Variants in NTM observed in about 807,000 individuals in gnomAD.
The protein encoded by NTM is IgLON family member 2.
Under a neutral mutation model 42.1 loss-of-function variants are expected in NTM, and 13 were observed. The observed-to-expected ratio is 0.31, with a 90% confidence interval of 0.20 to 0.49. NTM has a LOEUF of 0.49. Among genes scored for constraint, NTM ranks in the 20% least tolerant of loss-of-function variants. The pLI is 0.99. For synonymous variants in NTM, 187 were observed against 179.2 expected (o/e 1.04, Z -0.35); for missense variants, 373 against 452.8 (o/e 0.82, Z 1.60).
intron 1 of NTM, among the ~76,000 whole-genome samples, chr11:131,382,375 A>C (rs1230712133): frequency 6.6e-6 from 1 of 152,202 alleles, no homozygotes; most frequent in Non-Finnish European, 1.5e-5. Context: ...GGGTAAATAA[A>C]AAAATAATTG....
At chr11:132,315,849 G>A (rs1591964124) in intron 7 of NTM, among the ~76,000 whole-genome samples, 1 of 152,162 alleles carries the variant, frequency 6.6e-6, no homozygotes, top group Admixed American at 6.5e-5. Context: ...CCAGTGGCTT[G>A]GAATGGGCAG....
At chr11:131,880,749 C>T (rs1433517265) in intron 1 of NTM, among the ~76,000 whole-genome samples, 1 of 152,142 alleles carries the variant, frequency 6.6e-6, no homozygotes, top group African/African-American at 2.4e-5. Flanking sequence ...GAAACAAATT[C>T]CTCTGGTTCA....
rs116685803 is a variant in NTM at position 131,767,436 on chromosome 11, T to C, written c.83-144128T>C. Among the ~76,000 whole-genome samples, 563 of 152,204 alleles carry C rather than the reference T, an allele frequency of 3.7e-3. 5 individuals carry two copies. Among genetic ancestry groups the C allele is most frequent in the African/African-American group, 0.012 (518 of 41,528 alleles). On this transcript the variant is annotated intron_variant, in intron 1 of 8. Transcript: ENST00000683400. ...AATCTACATGCTGTGGACTACATAT[T>C]TGTGTCTCCCCCAAATTTATATTGA...
intron 2 of NTM, among the ~76,000 whole-genome samples, chr11:132,070,280 C>T (rs1394423296): frequency 2.8e-5 from 4 of 142,822 alleles, no homozygotes; most frequent in Non-Finnish European, 4.6e-5. Flanking sequence ...GGTTAGTTAA[C>T]GTGTCACACA....
chr11:131,532,812 C>G (rs2051494322), intron 1 of NTM, among the ~76,000 whole-genome samples: 1 of 152,152 alleles, frequency 6.6e-6, no homozygotes, highest in Non-Finnish European at 1.5e-5. Context: ...TTGCATTTCT[C>G]TAATGATCAG....
intron 2 of NTM, among the ~76,000 whole-genome samples, chr11:132,105,971 C>T (rs1409189334): frequency 6.6e-6 from 1 of 152,178 alleles, no homozygotes; most frequent in Non-Finnish European, 1.5e-5. Context: ...AATCCCAGGC[C>T]CAGCTCAGCA....
In NTM at chr11:131,371,014, C is replaced by G. The variant is rs1029869602; in HGVS notation, c.82+126C>G. Reference sequence around the variant, plus strand: ...GCAGGTGGAGGAGAGAGCGTTTAGACAGCATGGCTGGGACTTCATTCTCCC... The same window carrying G: ...GCAGGTGGAGGAGAGAGCGTTTAGAGAGCATGGCTGGGACTTCATTCTCCC... On this transcript the variant is annotated intron_variant, in intron 1 of 8. Coordinates refer to ENST00000683400, the MANE Select transcript of NTM (RefSeq NM_001352005.2). 5.3e-6 allele frequency: 8 copies of G among 1,502,640 alleles called. No individual in the cohort carries two copies. The African/African-American group carries it at 8.4e-5, about 16-fold the overall frequency. 93.1% of individuals were successfully genotyped at this position (1,502,640 alleles called of 1,614,324 possible).
At chr11:131,489,560 T>C (rs1954545976) in intron 1 of NTM, among the ~76,000 whole-genome samples, 1 of 152,200 alleles carries the variant, frequency 6.6e-6, no homozygotes, top group Non-Finnish European at 1.5e-5. Context: ...TTGAATCTTC[T>C]AGAATTCTTA....
At chr11:131,840,145 G>A (rs2044047467) in intron 1 of NTM, among the ~76,000 whole-genome samples, 1 of 152,170 alleles carries the variant, frequency 6.6e-6, no homozygotes, top group East Asian at 1.9e-4. Flanking sequence ...ACTCAGGAAT[G>A]TACCAGACAC....
chr11:131,656,211 A>C (rs1040274813), intron 1 of NTM, among the ~76,000 whole-genome samples: 1 of 152,246 alleles, frequency 6.6e-6, no homozygotes. Context: ...AGGAAAGAAA[A>C]GACCTCAGGA....
chr11:132,202,477 A>G (rs112180734), intron 3 of NTM, among the ~76,000 whole-genome samples: 5 of 152,318 alleles, frequency 3.3e-5, no homozygotes, highest in African/African-American at 1.2e-4. Flanking sequence ...AAACACGCAC[A>G]GCTGGGAAAC....
chr11:132,225,018 C>T (rs2085917369), intron 4 of NTM, among the ~76,000 whole-genome samples: 1 of 152,126 alleles, frequency 6.6e-6, no homozygotes, highest in Non-Finnish European at 1.5e-5. Flanking sequence ...CTCTTTTCTA[C>T]AAAAATGATC....
At chr11:131,985,508 G>GCAACCA (rs1429821634) in intron 2 of NTM, among the ~76,000 whole-genome samples, 1 of 152,118 alleles carries the variant, frequency 6.6e-6, no homozygotes, top group Non-Finnish European at 1.5e-5. Flanking sequence ...CGTGCTACTG[G>GCAACCA]CAACCACGGG....
At chr11:132,274,644 T>C (rs531589603) in intron 4 of NTM, among the ~76,000 whole-genome samples, 2 of 152,276 alleles carry the variant, frequency 1.3e-5, no homozygotes, top group South Asian at 4.1e-4. Context: ...CTTTCTATGA[T>C]TTCAGTCTTT....
chr11:131,845,353 A>G (rs183184384), intron 1 of NTM, among the ~76,000 whole-genome samples: 1 of 152,210 alleles, frequency 6.6e-6, no homozygotes, highest in Non-Finnish European at 1.5e-5. Flanking sequence ...GTATTCTGGA[A>G]TGGGGTTGGA....
At chr11:131,961,659 A>G (rs1257012285) in intron 2 of NTM, among the ~76,000 whole-genome samples, 1 of 152,214 alleles carries the variant, frequency 6.6e-6, no homozygotes, top group East Asian at 1.9e-4. Flanking sequence ...GAATCAGATT[A>G]CACTGGAGCA....
At chr11:131,901,238 G>A (rs1211726113) in intron 1 of NTM, among the ~76,000 whole-genome samples, 1 of 152,234 alleles carries the variant, frequency 6.6e-6, no homozygotes, top group Non-Finnish European at 1.5e-5. Context: ...CTGGTAATTT[G>A]TGGAACTTGG....
chr11:132,296,006 G>A (rs1330568075), intron 4 of NTM, among the ~76,000 whole-genome samples: 2 of 152,184 alleles, frequency 1.3e-5, no homozygotes, highest in African/African-American at 2.4e-5. Context: ...GGAAACAGCA[G>A]GGTTTGTTGA....
In NTM at chr11:132,314,752, C is replaced by CGGGAGAGCTGGGT. The variant is rs1441565705; in HGVS notation, c.934+55_934+67dup. ...CAAGAAGAGGGGAGAGGGTGCAGAA[C>CGGGAGAGCTGGGT]GGGAGAGCTGGGTGGGAGGGCCCCT... On this transcript the variant is annotated intron_variant, in intron 7 of 8. Transcript: ENST00000683400. The CGGGAGAGCTGGGT allele has an allele frequency of 1.9e-6, 3 of 1,554,370 alleles. No individual in the cohort carries two copies. The East Asian group carries it at 7.0e-5, about 36-fold the overall frequency.
Sources: gnomAD v4.1 joint callset for allele counts (sites outside exome capture counted in the v4.1 genomes callset) on GRCh38, gnomAD v4.1.1 for gene constraint, MANE v1.5 for transcripts, NCBI Gene and HGNC (gene_info 2026-07-23, HGNC 2026-07-21) for gene names.